F10: variants seen among roughly 807,000 people sequenced by gnomAD.
The protein encoded by F10 is Stuart-Prower factor.
Under a neutral mutation model 37.1 loss-of-function variants are expected in F10, and 29 were observed. The ratio of observed to expected loss-of-function variants is 0.78; its 90% confidence interval spans 0.58 to 1.07. F10 has a LOEUF of 1.07. F10 is among the 50% of genes least tolerant of loss of function. The pLI, the probability that F10 is intolerant of heterozygous loss-of-function variation, is 0.00. For synonymous variants in F10, 262 were observed against 268.6 expected (o/e 0.98, Z 0.24); for missense variants, 539 against 667.9 (o/e 0.81, Z 2.13).
chr13:113,123,158 A>C (rs987069799), intron 1 of F10, among the ~76,000 whole-genome samples: 1 of 152,194 alleles, frequency 6.6e-6, no homozygotes, highest in Admixed American at 6.5e-5. Context: ...AGAGACAAAA[A>C]CACAAGGACA....
chr13:113,136,637 T>TAGTAGAGA (rs1566918009), intron 2 of F10, among the ~76,000 whole-genome samples: 9 of 9,972 alleles, frequency 9.0e-4, no homozygotes, highest in South Asian at 5.7e-3. Flanking sequence ...CTTGTACTTT[T>TAGTAGAGA]TTTTTTTTTT....
rs550197812 is a variant in F10 at position 113,141,820 on chromosome 13, C to T, written c.502+770C>T. Reference sequence around the variant, plus strand: ...CCCGACCCGCAGCGTTGGCCTCACCCGGGGGCATATTCGAAGGGCAGAGTT... The same window carrying T: ...CCCGACCCGCAGCGTTGGCCTCACCTGGGGGCATATTCGAAGGGCAGAGTT... On this transcript the variant is annotated intron_variant, in intron 5 of 7. Coordinates refer to ENST00000375559, the MANE Select transcript of F10 (RefSeq NM_000504.4). The surrounding 1 kb of genome is among the most constrained non-coding windows in gnomAD (Gnocchi z 5.4). 1.3e-4 allele frequency among the ~76,000 whole-genome samples: 20 copies of T among 152,304 alleles called. No homozygotes were observed. Among genetic ancestry groups the T allele is most frequent in the Non-Finnish European group, 2.4e-4 (16 of 68,026 alleles).
intron 1 of F10, among the ~76,000 whole-genome samples, chr13:113,126,057 T>C (rs1401913361): frequency 6.6e-6 from 1 of 150,676 alleles, no homozygotes; most frequent in African/African-American, 2.4e-5. Flanking sequence ...AGTCCTGGGG[T>C]GTGAGTGTTG....
At chr13:113,131,201 T>C (rs1381763330) in intron 2 of F10, 1 of 152,246 alleles carries the variant, frequency 6.6e-6, no homozygotes, top group Non-Finnish European at 1.5e-5. Context: ...AGCTGGACAT[T>C]AACTTGTATT....
intron 2 of F10, chr13:113,130,910 G>T (rs919651166): frequency 6.6e-6 from 1 of 152,222 alleles, no homozygotes; most frequent in African/African-American, 2.4e-5. Context: ...CACCAAGAAG[G>T]GCGAGCGCAG....
chr13:113,148,397 T>TACACACAC (rs202119318), intron 7 of F10, among the ~76,000 whole-genome samples: 1 of 29,508 alleles, frequency 3.4e-5, no homozygotes, highest in East Asian at 1.2e-3. Context: ...TATACATATA[T>TACACACAC]ATACACACAC....
At chr13:113,147,626 A>T in intron 7 of F10, 130 bp downstream of exon 7, 3 of 685,246 alleles carry the variant, frequency 4.4e-6, no homozygotes, top group Non-Finnish European at 5.4e-6. Flanking sequence ...TGTAGGGGTT[A>T]GGGGCATTTC....
rs148549105 is a variant in F10, at chr13:113,139,666, T to G, written c.370+196T>G. Reference sequence around the variant, plus strand: ...AGCCCCAATATGTCCCCCAAACGATTCGGTTTGGGGGCATGATGAGAGAGA... The same window carrying G: ...AGCCCCAATATGTCCCCCAAACGATGCGGTTTGGGGGCATGATGAGAGAGA... On this transcript the variant is annotated intron_variant, in intron 4 of 7. Coordinates refer to ENST00000375559, the MANE Select transcript of F10 (RefSeq NM_000504.4). This position sits in a 1 kb window ranked among gnomAD's most constrained non-coding sequence, Gnocchi z 5.2. 1.3e-5 allele frequency among the ~76,000 whole-genome samples: 2 copies of G among 151,932 alleles called. No individual in the cohort carries two copies. Among genetic ancestry groups the G allele is most frequent in the Non-Finnish European group, 2.9e-5 (2 of 67,962 alleles).
At chr13:113,124,101 G>A (rs2036347331) in intron 1 of F10, among the ~76,000 whole-genome samples, 1 of 152,226 alleles carries the variant, frequency 6.6e-6, no homozygotes, top group Admixed American at 6.5e-5. Context: ...AGAAAATTCT[G>A]CAGCCGGAAT....
intron 2 of F10, chr13:113,130,027 G>A (rs891007634): frequency 1.8e-5 from 6 of 332,126 alleles, no homozygotes; most frequent in Non-Finnish European, 2.9e-5. Flanking sequence ...TAGTCGCTGA[G>A]AGCCACAGCC....
In F10 at chr13:113,141,794, G is replaced by A. The variant is rs546339621; in HGVS notation, c.502+744G>A. On this transcript the variant is annotated intron_variant, in intron 5 of 7. Transcript: ENST00000375559. This position sits in a 1 kb window ranked among gnomAD's most constrained non-coding sequence, Gnocchi z 5.4. ...GCAACCCCACTCCCACTCATAGCTG[G>A]CCCGACCCGCAGCGTTGGCCTCACC... 3.3e-4 allele frequency among the ~76,000 whole-genome samples: 51 copies of A among 152,278 alleles called. No homozygotes were observed. In the South Asian group the frequency reaches 5.4e-3, roughly 16 times the overall value.
chr13:113,133,492 CA>C (rs1312930203), intron 2 of F10, among the ~76,000 whole-genome samples: 3 of 152,074 alleles, frequency 2.0e-5, no homozygotes, highest in African/African-American at 7.2e-5. Flanking sequence ...CACAAGCCAC[CA>C]AAACATACAC....
Position 113,144,206 on chromosome 13 carries a change from G to A in F10, c.747+111G>A, listed in dbSNP as rs929995549. ...TAGCAATCCGGGAAGGAACTGTTCC[G>A]AACTAGGACAGAGGGGCTCCGCCAC... On this transcript the variant is annotated intron_variant, in intron 6 of 7. Transcript: ENST00000375559. This position sits in a 1 kb window ranked among gnomAD's most constrained non-coding sequence, Gnocchi z 6.4. The A allele has an allele frequency of 9.8e-6, 15 of 1,532,552 alleles. No individual in the cohort carries two copies. Among genetic ancestry groups the A allele is most frequent in the East Asian group, 6.9e-5 (3 of 43,604 alleles). The allele number at this position is 1,532,552 out of a possible 1,614,324, so 94.9% of individuals were successfully genotyped here.
At chr13:113,123,054 G>C in intron 1 of F10, 129 bp downstream of exon 1, 1 of 1,133,618 alleles carries the variant, frequency 8.8e-7, no homozygotes, top group South Asian at 1.3e-5. Flanking sequence ...GGCTGGGCTC[G>C]GATGGCTGGG....
chr13:113,144,774 C>T lies in F10; in HGVS notation c.747+679C>T, dbSNP rs542337648. On this transcript the variant is annotated intron_variant, in intron 6 of 7. Transcript: ENST00000375559. The surrounding 1 kb of genome is among the most constrained non-coding windows in gnomAD (Gnocchi z 6.4). ...TGTTGCCCAGGCTGGAGTGCAGTGT[C>T]GCGATCTCGGCTCACTGCAACCTCC... is the stretch of plus-strand genomic sequence containing the variant. Among the ~76,000 whole-genome samples, 442 of 152,290 alleles carry T rather than the reference C, an allele frequency of 2.9e-3. 3 individuals carry two copies. Among genetic ancestry groups the T allele is most frequent in the Middle Eastern group, 6.8e-3 (2 of 294 alleles).
intron 2 of F10, chr13:113,129,868 A>G: frequency 1.8e-6 from 1 of 542,590 alleles, no homozygotes; most frequent in Non-Finnish European, 3.3e-6. Flanking sequence ...TGAGGGTCAC[A>G]GGGCTTCTGC....
chr13:113,148,330 CA>C lies in F10; in HGVS notation c.866-570del, dbSNP rs780002275. Among the ~76,000 whole-genome samples the C allele has an allele frequency of 9.4e-3, 850 of 90,830 alleles. 5 individuals are homozygous for C. Among genetic ancestry groups the C allele is most frequent in the African/African-American group, 0.02 (488 of 24,844 alleles). 59.6% of individuals were successfully genotyped at this position (90,830 alleles called of 152,430 possible). On this transcript the variant is annotated intron_variant, in intron 7 of 7. Transcript: ENST00000375559. Reference sequence around the variant, plus strand: ...CGGGCAACAGAGCAAAACTCTGTCTCAAAAAAAAAAAAAAAATATATATATA... The same window carrying C: ...CGGGCAACAGAGCAAAACTCTGTCTCAAAAAAAAAAAAAAATATATATATA...
intron 2 of F10, among the ~76,000 whole-genome samples, chr13:113,134,240 T>A (rs562871009): frequency 6.6e-6 from 1 of 152,130 alleles, no homozygotes; most frequent in South Asian, 2.1e-4. Flanking sequence ...GATGACATGA[T>A]CATGCATATA....
chr13:113,147,986 T>C (rs1211411043), intron 7 of F10, among the ~76,000 whole-genome samples: 3 of 152,184 alleles, frequency 2.0e-5, no homozygotes, highest in African/African-American at 7.2e-5. Context: ...AAGCAATATA[T>C]GTAAACTGAT....
Sources: allele counts gnomAD v4.1 joint callset (sites outside exome capture counted in the v4.1 genomes callset), GRCh38; gene constraint gnomAD v4.1.1; non-coding constraint Gnocchi (gnomAD v3.1); transcripts MANE v1.5; gene names NCBI Gene and HGNC (gene_info 2026-07-23, HGNC 2026-07-21).